The following VAV3 variants were observed in gnomAD, a reference collection of about 807,000 sequenced individuals.
VAV3 encodes vav guanine nucleotide exchange factor 3, also known as guanine nucleotide exchange factor VAV3.
In VAV3, 94 loss-of-function variants were observed where a neutral mutation model predicts 131.2. That is an observed-to-expected ratio of 0.72 (90% CI 0.61 to 0.85). The LOEUF (loss-of-function observed/expected upper bound fraction) is 0.85, where lower values mean the gene tolerates loss of function less well. VAV3 is among the 40% of genes least tolerant of loss of function. The pLI is 0.00. For missense variants in VAV3, 939 were observed against 1,002.7 expected, an observed-to-expected ratio of 0.94 and a Z score of 0.86; for synonymous variants, 349 against 342.0, an observed-to-expected ratio of 1.02 and a Z score of -0.22.
intron 20 of VAV3, among the ~76,000 whole-genome samples, chr1:107,631,358 A>C (rs1654466140): frequency 6.6e-6 from 1 of 152,136 alleles, no homozygotes; most frequent in Admixed American, 6.6e-5. Flanking sequence ...TGGTCCCTAC[A>C]CAGTACATTT....
At chr1:107,847,221 C>T (rs1445286777) in intron 2 of VAV3, among the ~76,000 whole-genome samples, 1 of 151,998 alleles carries the variant, frequency 6.6e-6, no homozygotes, top group Non-Finnish European at 1.5e-5. Context: ...TCTTTGAAAC[C>T]AATAAGAACA....
chr1:107,876,758 A>AT (rs2101024875), intron 1 of VAV3, among the ~76,000 whole-genome samples: 1 of 152,264 alleles, frequency 6.6e-6, no homozygotes, highest in Non-Finnish European at 1.5e-5. Flanking sequence ...TTTTTTTAAA[A>AT]ATATACATGT....
At chr1:107,888,308 G>A (rs559717942) in intron 1 of VAV3, among the ~76,000 whole-genome samples, 25 of 152,264 alleles carry the variant, frequency 1.6e-4, no homozygotes, top group African/African-American at 5.8e-4. Context: ...AACAAACCCA[G>A]TGTTTAAACT....
chr1:107,706,394 T>G (rs1660454682), intron 15 of VAV3, among the ~76,000 whole-genome samples: 1 of 152,158 alleles, frequency 6.6e-6, no homozygotes. Flanking sequence ...AGGTCAGCCT[T>G]CCAATCCATC....
intron 20 of VAV3, among the ~76,000 whole-genome samples, chr1:107,622,874 T>C (rs967510101): frequency 1.3e-5 from 2 of 152,084 alleles, no homozygotes; most frequent in Non-Finnish European, 2.9e-5. Context: ...ATACACAAAT[T>C]AGTTTATTGA....
At chr1:107,802,015 A>G (rs1231953978) in intron 2 of VAV3, among the ~76,000 whole-genome samples, 1 of 152,064 alleles carries the variant, frequency 6.6e-6, no homozygotes, top group Non-Finnish European at 1.5e-5. Flanking sequence ...TTACATAGGT[A>G]TACATGTGCC....
chr1:107,791,813 A>C (rs1257219067), intron 2 of VAV3, among the ~76,000 whole-genome samples: 4 of 152,204 alleles, frequency 2.6e-5, no homozygotes, highest in Non-Finnish European at 5.9e-5. Context: ...GCTTATGATT[A>C]TCAGGCACTA....
rs187383909 is a variant in VAV3, at chr1:107,639,806, T to C, written c.1914+2813A>G. Among the ~76,000 whole-genome samples the C allele has an allele frequency of 1.2e-4, 19 of 152,106 alleles. 1 individual carries two copies. In the East Asian group the frequency reaches 3.7e-3, roughly 30 times the overall value. On this transcript the variant is annotated intron_variant, in intron 20 of 26. Transcript: ENST00000370056. The stretch of plus-strand genomic sequence containing the variant: ...AAAATTAGCCAGGCATGGTGATACA[T>C]GCCTGTTGTTCCAACTACTCAGGAG...
Position 107,610,128 on chromosome 1 carries a change from C to T in VAV3, c.1981-163G>A, listed in dbSNP as rs76508730. On this transcript the variant is annotated intron_variant, in intron 21 of 26. Transcript: ENST00000370056. ...ATACAGAGTGAATCATAGTATCTGTCAGATAAGTAGAAAATAATTCATTTC... is the reference window on the plus strand; with the variant it reads ...ATACAGAGTGAATCATAGTATCTGTTAGATAAGTAGAAAATAATTCATTTC... Among the ~76,000 whole-genome samples the T allele has an allele frequency of 1.4e-4, 22 of 152,272 alleles. No homozygotes were observed. The East Asian group carries it at 3.9e-3, about 27-fold the overall frequency.
At chr1:107,708,198 GA>G (rs760754598) in intron 15 of VAV3, among the ~76,000 whole-genome samples, 17 of 148,988 alleles carry the variant, frequency 1.1e-4, no homozygotes, top group Admixed American at 3.3e-4. Flanking sequence ...AGTTGAGGAA[GA>G]AAAAAAAAAG....
At chr1:107,631,589 T>C (rs1208164578) in intron 20 of VAV3, among the ~76,000 whole-genome samples, 3 of 150,508 alleles carry the variant, frequency 2.0e-5, no homozygotes, top group Non-Finnish European at 4.4e-5. Context: ...AACTCGTCAT[T>C]TAGCATTAGG....
intron 20 of VAV3, among the ~76,000 whole-genome samples, chr1:107,621,532 G>T (rs967707055): frequency 1.8e-4 from 27 of 151,972 alleles, no homozygotes; most frequent in African/African-American, 5.6e-4. Flanking sequence ...ATTGCAGACT[G>T]TAACTATGAC....
At chr1:107,733,839 G>C (rs182863782) in intron 15 of VAV3, among the ~76,000 whole-genome samples, 7 of 152,106 alleles carry the variant, frequency 4.6e-5, no homozygotes, top group African/African-American at 1.2e-4. Context: ...CCAGGAGGAC[G>C]TCCCCAACCT....
intron 17 of VAV3, among the ~76,000 whole-genome samples, chr1:107,694,173 C>A (rs1286636031): frequency 6.6e-6 from 1 of 152,170 alleles, no homozygotes; most frequent in Admixed American, 6.5e-5. Flanking sequence ...ATAAAGCCTA[C>A]ATAGAAATAA....
At chr1:107,610,016 T>C (rs1160006108) in intron 21 of VAV3, 51 bp from the exon 22 acceptor site, 3 of 1,558,858 alleles carry the variant, frequency 1.9e-6, no homozygotes, top group Non-Finnish European at 1.8e-6. Context: ...GGGAAGCTTT[T>C]AGAAATCAAT....
intron 2 of VAV3, among the ~76,000 whole-genome samples, chr1:107,812,819 C>T (rs1019156388): frequency 6.6e-6 from 1 of 151,922 alleles, no homozygotes; most frequent in African/African-American, 2.4e-5. Context: ...TATAAGAATA[C>T]AGGAATTAAA....
intron 4 of VAV3, among the ~76,000 whole-genome samples, chr1:107,773,592 G>A (rs570434793): frequency 5.9e-5 from 9 of 152,294 alleles, no homozygotes; most frequent in Admixed American, 5.2e-4. Flanking sequence ...ACAGAGATAG[G>A]AGACTGGGAC....
At chr1:107,942,509 C>G (rs938174504) in intron 1 of VAV3, among the ~76,000 whole-genome samples, 2 of 152,190 alleles carry the variant, frequency 1.3e-5, no homozygotes, top group African/African-American at 4.8e-5. Flanking sequence ...ACCACACTTT[C>G]TAATTGGTAA....
intron 17 of VAV3, among the ~76,000 whole-genome samples, chr1:107,699,047 C>T (rs1430690028): frequency 6.6e-6 from 1 of 152,182 alleles, no homozygotes; most frequent in Admixed American, 6.5e-5. Context: ...CCTCCCAAAA[C>T]TCACATCCTC....
Sources: allele counts gnomAD v4.1 joint callset (sites outside exome capture counted in the v4.1 genomes callset), GRCh38; gene constraint gnomAD v4.1.1; transcripts MANE v1.5; gene names NCBI Gene and HGNC (gene_info 2026-07-23, HGNC 2026-07-21).